Variants in TENM3 observed in about 807,000 individuals in gnomAD.
TENM3 encodes teneurin-3.
In TENM3, 63 loss-of-function variants were observed where a neutral mutation model predicts 255.1. That is an observed-to-expected ratio of 0.25 (90% CI 0.20 to 0.30). The LOEUF (loss-of-function observed/expected upper bound fraction) is 0.30. Ranked by LOEUF, TENM3 falls within the 10% of genes least tolerant of loss-of-function variation. The probability of loss-of-function intolerance (pLI) is 1.00; values close to 1 mark genes in which losing one functional copy is unlikely to be tolerated. For synonymous variants in TENM3, 1,306 were observed against 1,322.3 expected, an observed-to-expected ratio of 0.99 and a Z score of 0.27; for missense variants, 2,929 against 3,461.1, an observed-to-expected ratio of 0.85 and a Z score of 3.86.
At chr4:181,777,493 T>C in the TENM3 span, among the ~76,000 whole-genome samples, 1 of 152,124 alleles carries the variant, frequency 6.6e-6, no homozygotes, top group Non-Finnish European at 1.5e-5. Flanking sequence ...TAGATTGCTT[T>C]GGGTAGTATG....
the TENM3 span, among the ~76,000 whole-genome samples, chr4:181,973,729 C>A: frequency 2.0e-5 from 3 of 152,156 alleles, no homozygotes; most frequent in African/African-American, 7.2e-5. Context: ...CCACTGCACT[C>A]CAGCCTGGGT....
the TENM3 span, among the ~76,000 whole-genome samples, chr4:181,735,569 A>T: frequency 2.2e-4 from 33 of 152,326 alleles, no homozygotes; most frequent in East Asian, 6.4e-3. Context: ...TATATACAAT[A>T]AGATATCTCA....
chr4:182,174,525 CACACACAA>C (rs1433990577), intron 1 of TENM3, among the ~76,000 whole-genome samples: 35 of 150,122 alleles, frequency 2.3e-4, no homozygotes, highest in African/African-American at 8.6e-4. Flanking sequence ...CACACACACA[CACACACAA>C]ACACACACTT....
chr4:181,638,320 C>T, the TENM3 span, among the ~76,000 whole-genome samples: 1 of 152,178 alleles, frequency 6.6e-6, no homozygotes, highest in Non-Finnish European at 1.5e-5. Flanking sequence ...CACTGGGACT[C>T]ATTCATTCAA....
In TENM3 at chr4:182,793,329, A is replaced by G; in HGVS notation, c.6657A>G (p.Lys2219=). 4 of 1,613,752 alleles carry G rather than the reference A, an allele frequency of 2.5e-6. No individual in the cohort carries two copies. The highest frequency in any genetic ancestry group is 3.4e-6 in the Non-Finnish European group (4 of 1,179,716). ...GGCTTCTAACTCGAGTTTACAGTAAAGGCAGTGGCTGGACAGTGATCTACC... is the reference window on the plus strand; with the variant it reads ...GGCTTCTAACTCGAGTTTACAGTAAGGGCAGTGGCTGGACAGTGATCTACC... ...SKGLLTRVYS[K]GSGWTVIYRY... Residue 2219 remains lysine, a synonymous_variant, in exon 26 of 28, where the codon AAA becomes AAG. Coordinates refer to ENST00000511685, the MANE Select transcript of TENM3 (RefSeq NM_001080477.4). This position sits in a 1 kb window ranked among gnomAD's most constrained non-coding sequence, Gnocchi z 5.7.
the TENM3 span, among the ~76,000 whole-genome samples, chr4:182,136,373 A>T: frequency 6.6e-6 from 1 of 152,082 alleles, no homozygotes; most frequent in Non-Finnish European, 1.5e-5. Flanking sequence ...TTCTTTTTTC[A>T]AGCAGTTCTG....
At chr4:182,007,816 T>C in the TENM3 span, among the ~76,000 whole-genome samples, 1 of 152,192 alleles carries the variant, frequency 6.6e-6, no homozygotes, top group African/African-American at 2.4e-5. Context: ...TTCTTTGTAG[T>C]GTCATTGGTC....
At chr4:181,514,000 A>G in the TENM3 span, among the ~76,000 whole-genome samples, 1 of 152,212 alleles carries the variant, frequency 6.6e-6, no homozygotes, top group African/African-American at 2.4e-5. Context: ...TAAGAAACAT[A>G]TAAATATTTA....
At chr4:182,148,335 G>C (rs1382161485) in intron 1 of TENM3, among the ~76,000 whole-genome samples, 1 of 152,090 alleles carries the variant, frequency 6.6e-6, no homozygotes, top group African/African-American at 2.4e-5. Flanking sequence ...AAACGAGTGT[G>C]ATGGCTTGTA....
At chr4:182,730,596 A>G (rs1268470995) in intron 15 of TENM3, among the ~76,000 whole-genome samples, 2 of 152,208 alleles carry the variant, frequency 1.3e-5, no homozygotes, top group Admixed American at 1.3e-4. Context: ...TTTAGGGGTA[A>G]TATTTTATAA....
At chr4:181,507,126 C>A in the TENM3 span, among the ~76,000 whole-genome samples, 1 of 152,200 alleles carries the variant, frequency 6.6e-6, no homozygotes, top group Admixed American at 6.5e-5. Context: ...TCTGGTCCAG[C>A]CTTACAGTTT....
At chr4:182,279,816 G>A (rs1455534518) in intron 1 of TENM3, among the ~76,000 whole-genome samples, 1 of 152,122 alleles carries the variant, frequency 6.6e-6, no homozygotes, top group Non-Finnish European at 1.5e-5. Context: ...GGAGCTCTGT[G>A]GTGTCCCTGT....
At chr4:181,753,514 T>C in the TENM3 span, among the ~76,000 whole-genome samples, 18 of 144,650 alleles carry the variant, frequency 1.2e-4, no homozygotes, top group African/African-American at 4.1e-4. Context: ...ATACCCACAG[T>C]TGTTTTTGCA....
At chr4:182,657,692 C>T (rs1475068515) in intron 6 of TENM3, among the ~76,000 whole-genome samples, 7 of 152,240 alleles carry the variant, frequency 4.6e-5, no homozygotes, top group East Asian at 3.9e-4. Flanking sequence ...CTCACTCTGT[C>T]GCCCAGGCTG....
chr4:181,673,480 A>C, the TENM3 span, among the ~76,000 whole-genome samples: 5 of 152,168 alleles, frequency 3.3e-5, no homozygotes, highest in Non-Finnish European at 7.4e-5. Flanking sequence ...AATTTTAAGC[A>C]ATTTTATCAA....
chr4:182,451,746 A>G (rs1287893836), intron 3 of TENM3, among the ~76,000 whole-genome samples: 4 of 152,240 alleles, frequency 2.6e-5, no homozygotes, highest in South Asian at 2.1e-4. Flanking sequence ...GTTCATTTCA[A>G]AAGATTTAAC....
chr4:182,363,441 T>G, intron 3 of TENM3, among the ~76,000 whole-genome samples: 1 of 151,900 alleles, frequency 6.6e-6, no homozygotes, highest in East Asian at 1.9e-4. Context: ...ATATGCATGT[T>G]TATAGTCTTT....
Position 182,672,896 on chromosome 4 carries a change from A to G in TENM3, c.1112-109A>G, listed in dbSNP as rs1222233674. The G allele has an allele frequency of 3.9e-6, 3 of 774,714 alleles. No individual in the cohort carries two copies. In the East Asian group the frequency reaches 8.1e-5, roughly 21 times the overall value. The allele number at this position is 774,714 out of a possible 1,614,324, so 48.0% of individuals were successfully genotyped here. A position where few individuals can be genotyped will look rare whatever the true frequency, so the allele number is the denominator to read the frequency against. ...TGAAAGTAATATATCAGAAGATGAAATGGCTTGAGCATTTGGTAAAAATAA... is the reference window on the plus strand; with the variant it reads ...TGAAAGTAATATATCAGAAGATGAAGTGGCTTGAGCATTTGGTAAAAATAA... On this transcript the variant is annotated intron_variant, in intron 6 of 27. Transcript: ENST00000511685.
At chr4:181,529,986 A>G in the TENM3 span, among the ~76,000 whole-genome samples, 2 of 152,228 alleles carry the variant, frequency 1.3e-5, no homozygotes, top group South Asian at 2.1e-4. Context: ...AATAGGACAC[A>G]TACAGGAGCG....
Sources: allele counts gnomAD v4.1 joint callset (sites outside exome capture counted in the v4.1 genomes callset), GRCh38; gene constraint gnomAD v4.1.1; non-coding constraint Gnocchi (gnomAD v3.1); transcripts MANE v1.5; gene names NCBI Gene and HGNC (gene_info 2026-07-23, HGNC 2026-07-21).